LRRK1: variants seen among roughly 807,000 people sequenced by gnomAD.
LRRK1 encodes the protein leucine-rich repeat serine/threonine-protein kinase 1.
A neutral mutation model predicts 209.1 loss-of-function variants in LRRK1; 113 were observed. The observed-to-expected ratio is 0.54, with a 90% CI of 0.46 to 0.63. The LOEUF (loss-of-function observed/expected upper bound fraction) is 0.63, where lower values mean the gene tolerates loss of function less well. LRRK1 is among the 30% of genes least tolerant of loss of function. The pLI, the probability that LRRK1 is intolerant of heterozygous loss-of-function variation, is 0.00. For synonymous variants in LRRK1, 1,144 were observed against 1,099.7 expected, an observed-to-expected ratio of 1.04 and a Z score of -0.80; for missense variants, 2,284 against 2,632.2, an observed-to-expected ratio of 0.87 and a Z score of 2.89.
rs147899947 is a variant in LRRK1, at chr15:100,986,841, G to A, written c.434-1793G>A. Among the ~76,000 whole-genome samples the A allele has an allele frequency of 9.5e-3, 1,448 of 152,314 alleles. 14 individuals are homozygous for A. Among genetic ancestry groups the A allele is most frequent in the Middle Eastern group, 0.031 (9 of 294 alleles). ...TGTTCTCCCCCAGGGCTCTGCAGAA[G>A]CTTCCAAACTTTCAGAAGGTTTGTG... On this transcript the variant is annotated intron_variant, in intron 4 of 33. Transcript: ENST00000388948.
chr15:100,993,453 C>T (rs1037255781), intron 6 of LRRK1, among the ~76,000 whole-genome samples: 3 of 152,188 alleles, frequency 2.0e-5, no homozygotes, highest in Admixed American at 6.5e-5. Context: ...TATGTCTCTA[C>T]AAGGTTTTGC....
At position 101,074,066 on chromosome 15, in the gene LRRK1, A is replaced by G. The variant is rs1260984656; in HGVS notation, c.*5218A>G. 6.6e-6 allele frequency: 1 copy of G among 152,180 alleles called. No homozygotes were observed. The highest frequency in any genetic ancestry group is 1.5e-5 in the Non-Finnish European group (1 of 68,034). 9.4% of individuals were successfully genotyped at this position (152,180 alleles called of 1,614,324 possible). A position where few individuals can be genotyped will look rare whatever the true frequency, so the allele number is the denominator to read the frequency against. ...ACGTCCAGGCGTTCTTTTACACATC[A>G]GTCCCTCCCTAGTCTCTGTTCCCAG... is the stretch of plus-strand genomic sequence containing the variant. On this transcript the variant is annotated 3_prime_UTR_variant, in exon 34 of 34. Coordinates refer to ENST00000388948, the MANE Select transcript of LRRK1 (RefSeq NM_024652.6).
chr15:101,049,360 G>A (rs910654686), intron 22 of LRRK1: 6 of 343,866 alleles, frequency 1.7e-5, no homozygotes, highest in Admixed American at 4.7e-5. Flanking sequence ...GAGGTTCAGG[G>A]AGGTCTGGGA....
At chr15:101,066,341 T>C in intron 32 of LRRK1, 136 bp downstream of exon 32, 1 of 1,262,666 alleles carries the variant, frequency 7.9e-7, no homozygotes, top group Admixed American at 2.4e-5. Context: ...GAGGGTTGGT[T>C]TCCTCCATTG....
At position 100,940,782 on chromosome 15, in the gene LRRK1, T is replaced by C. The variant is rs2042386319; in HGVS notation, c.97+16053T>C. Among the ~76,000 whole-genome samples, 3 of 152,232 alleles carry C rather than the reference T, an allele frequency of 2.0e-5. 1 individual carries two copies. The South Asian group carries it at 6.2e-4, about 32-fold the overall frequency. The stretch of plus-strand genomic sequence containing the variant: ...CTCCCATGCTAACTCAGTCTTTTCC[T>C]CCAAGATAAGGATGAACAGTTGACA... On this transcript the variant is annotated intron_variant, in intron 2 of 33. Transcript: ENST00000388948.
rs186605743 is a variant in LRRK1, at chr15:100,938,567, C to T, written c.97+13838C>T. The stretch of plus-strand genomic sequence containing the variant: ...CAGGTAACCCACCTTCTGCCATCCT[C>T]CCTCCTTCCCCCACATGGCCAATCT... On this transcript the variant is annotated intron_variant, in intron 2 of 33. Transcript: ENST00000388948. Among the ~76,000 whole-genome samples the T allele has an allele frequency of 4.0e-4, 61 of 152,140 alleles. 2 individuals carry two copies. The Middle Eastern group carries it at 0.024, about 59-fold the overall frequency.
chr15:101,009,198 T>C, intron 7 of LRRK1, 135 bp downstream of exon 7: 1 of 701,136 alleles, frequency 1.4e-6, no homozygotes, highest in Non-Finnish European at 2.4e-6. Flanking sequence ...GAGTTTTGCC[T>C]ACCCTGAGGC....
rs2034000902 is a variant in LRRK1 at position 101,025,823 on chromosome 15, C to G, written c.2233-142C>G. The G allele has an allele frequency of 8.6e-6, 7 of 816,226 alleles. No individual in the cohort carries two copies. The South Asian group carries it at 1.0e-4, about 12-fold the overall frequency. 50.6% of individuals were successfully genotyped at this position (816,226 alleles called of 1,614,324 possible). A position where few individuals can be genotyped will look rare whatever the true frequency, so the allele number is the denominator to read the frequency against. Reference sequence around the variant, plus strand: ...ATAAGATTTGGAGGAGGCAAACATCCAAACCGTCTCAAGGCTGCAGATTGG... The same window carrying G: ...ATAAGATTTGGAGGAGGCAAACATCGAAACCGTCTCAAGGCTGCAGATTGG... On this transcript the variant is annotated intron_variant, in intron 16 of 33. Coordinates refer to ENST00000388948, the MANE Select transcript of LRRK1 (RefSeq NM_024652.6).
In LRRK1 at chr15:101,027,254, C is replaced by A. The variant is rs1187484442; in HGVS notation, c.2406-7C>A. On this transcript the variant is annotated splice_region_variant and splice_polypyrimidine_tract_variant and intron_variant, in intron 17 of 33. Coordinates refer to ENST00000388948, the MANE Select transcript of LRRK1 (RefSeq NM_024652.6). The surrounding 1 kb of genome is among the most constrained non-coding windows in gnomAD (Gnocchi z 5.1). ...TGATGAGTAAAGACGGGTCTTTTTG[C>A]TCACAGTGAGATTTCCTGCAAGAGC... 1 of 1,613,662 alleles carries A rather than the reference C, an allele frequency of 6.2e-7. No individual in the cohort carries two copies. Among genetic ancestry groups the A allele is most frequent in the Non-Finnish European group, 8.5e-7 (1 of 1,179,874 alleles).
Position 101,053,318 on chromosome 15 carries a change from T to C in LRRK1, c.3952T>C (p.Cys1318Arg). ...ASMLHALQHPCIVALIGISIH... is the reference protein window; with the variant it reads ...ASMLHALQHPRIVALIGISIH... ...CATGCTGCACGCGCTGCAGCACCCC[T>C]GCATCGTGGCGCTCATCGGCATCAG... Residue 1318 changes from cysteine to arginine, a missense_variant, in exon 26 of 34, where the codon TGC (cysteine) becomes CGC (arginine). Transcript: ENST00000388948. 2 of 1,605,250 alleles carry C rather than the reference T, an allele frequency of 1.2e-6. No homozygotes were observed. The highest frequency in any genetic ancestry group is 8.5e-7 in the Non-Finnish European group (1 of 1,179,926).
chr15:101,055,296 G>C, intron 27 of LRRK1, 73 bp downstream of exon 27: 1 of 1,402,850 alleles, frequency 7.1e-7, no homozygotes, highest in South Asian at 1.7e-5. Flanking sequence ...GGCAGTCCTG[G>C]AGGCACCTGA....
intron 2 of LRRK1, among the ~76,000 whole-genome samples, chr15:100,941,436 G>GTC (rs2042425840): frequency 1.4e-3 from 12 of 8,828 alleles, no homozygotes; most frequent in South Asian, 6.8e-3. Context: ...GTCTGTGTGT[G>GTC]TGTGTGTGTC....
At chr15:100,928,062 G>A (rs925836743) in intron 2 of LRRK1, among the ~76,000 whole-genome samples, 6 of 151,612 alleles carry the variant, frequency 4.0e-5, no homozygotes, top group Non-Finnish European at 8.8e-5. Context: ...TTGCTCATCG[G>A]TGCTGTTTAT....
chr15:100,952,109 T>C (rs997322500), intron 2 of LRRK1, among the ~76,000 whole-genome samples: 1 of 152,168 alleles, frequency 6.6e-6, no homozygotes, highest in Non-Finnish European at 1.5e-5. Flanking sequence ...GTATATGACA[T>C]GTTCAGAAGA....
intron 20 of LRRK1, among the ~76,000 whole-genome samples, chr15:101,033,890 A>G (rs2034388719): frequency 6.6e-6 from 1 of 152,180 alleles, no homozygotes; most frequent in South Asian, 2.1e-4. Context: ...CCAACAGCGT[A>G]TAAGAGTTTT....
chr15:101,046,249 C>A lies in LRRK1; in HGVS notation c.3135+97C>A, dbSNP rs1596317269. 7.7e-6 allele frequency: 10 copies of A among 1,299,614 alleles called. No individual in the cohort carries two copies. The East Asian group carries it at 2.0e-4, about 26-fold the overall frequency. The allele number at this position is 1,299,614 out of a possible 1,614,324, so 80.5% of individuals were successfully genotyped here. A position where few individuals can be genotyped will look rare whatever the true frequency, so the allele number is the denominator to read the frequency against. ...AATGCCCTTTGCTGGGGGGCCCTGC[C>A]TGGAGACCCTTCTCCTAGAGCCATG... On this transcript the variant is annotated intron_variant, in intron 21 of 33. Transcript: ENST00000388948.
chr15:101,026,079 C>T lies in LRRK1; in HGVS notation c.2347C>T (p.Arg783Cys), dbSNP rs572305968. ...GCGTGCCTATGTGCTGGCACTCTGCCGCTCCCCCTCCGGCTCCAGGGCCAC... is the reference window on the plus strand; with the variant it reads ...GCGTGCCTATGTGCTGGCACTCTGCTGCTCCCCCTCCGGCTCCAGGGCCAC... The part of the protein sequence containing the change: ...TLRAYVLALC[R>C]SPSGSRATGF... The change falls in exon 17 of 34, where the codon CGC becomes TGC. Residue 783 changes from arginine (R) to cysteine (C), a missense_variant. Transcript: ENST00000388948. 6 of 1,614,246 alleles carry T rather than the reference C, an allele frequency of 3.7e-6. No individual in the cohort carries two copies. The highest frequency in any genetic ancestry group is 2.7e-5 in the African/African-American group (2 of 75,080).
At chr15:100,989,779 TC>T in intron 6 of LRRK1, 1 of 290,878 alleles carries the variant, frequency 3.4e-6, no homozygotes, top group Non-Finnish European at 6.4e-6. Context: ...AAGGGGACAT[TC>T]AAGCTATAGC....
At chr15:101,035,642 T>TA (rs2034467034) in intron 20 of LRRK1, among the ~76,000 whole-genome samples, 1 of 152,188 alleles carries the variant, frequency 6.6e-6, no homozygotes, top group Non-Finnish European at 1.5e-5. Context: ...TTAATACACT[T>TA]ACATTCAAGG....
Sources: gnomAD v4.1 joint callset for allele counts (sites outside exome capture counted in the v4.1 genomes callset) on GRCh38, gnomAD v4.1.1 for gene constraint, Gnocchi (gnomAD v3.1) non-coding constraint, MANE v1.5 for transcripts, NCBI Gene and HGNC (gene_info 2026-07-23, HGNC 2026-07-21) for gene names.